The following KMT2C variants were observed in gnomAD, a reference collection of about 807,000 sequenced individuals.
KMT2C encodes histone-lysine N-methyltransferase 2C.
Under a neutral mutation model 507.9 loss-of-function variants are expected in KMT2C, and 88 were observed. The ratio of observed to expected loss-of-function variants is 0.17; its 90% CI spans 0.15 to 0.21. The LOEUF (loss-of-function observed/expected upper bound fraction) is 0.21. Among genes scored for constraint, KMT2C ranks in the 10% least tolerant of loss-of-function variants. KMT2C has a pLI of 1.00. For missense variants in KMT2C, 4,954 were observed against 5,957.8 expected, an observed-to-expected ratio of 0.83 and a Z score of 5.55; for synonymous variants, 2,049 against 2,080.8, an observed-to-expected ratio of 0.98 and a Z score of 0.42.
At chr7:152,167,088 C>T (rs1376101680) in intron 42 of KMT2C, 58 bp downstream of exon 42, 24 of 1,392,038 alleles carry the variant, frequency 1.7e-5, no homozygotes, top group South Asian at 1.2e-4. Context: ...GAACAACACA[C>T]CAAAACATTC....
intron 1 of KMT2C, among the ~76,000 whole-genome samples, chr7:152,404,631 C>CAAAAAAAAAAAAAAAAAAAAAAAAAAAA (rs68171347): frequency 3.0e-5 from 2 of 66,172 alleles, no homozygotes; most frequent in Non-Finnish European, 6.6e-5. Flanking sequence ...ACTCAGGTCT[C>CAAAAAAAAAAAAAAAAAAAAAAAAAAAA]AAAAAAAAAA....
At chr7:152,398,668 G>A (rs1269161492) in intron 1 of KMT2C, among the ~76,000 whole-genome samples, 1 of 151,926 alleles carries the variant, frequency 6.6e-6, no homozygotes, top group East Asian at 1.9e-4. Context: ...CCCAAGTATT[G>A]AGATTATAAG....
rs1018220565 is a variant in KMT2C, at chr7:152,146,093, G to T, written c.14031+506C>A. Among the ~76,000 whole-genome samples the T allele has an allele frequency of 4.0e-5, 6 of 151,324 alleles. No homozygotes were observed. In the South Asian group the frequency reaches 1.3e-3, roughly 32 times the overall value. On this transcript the variant is annotated intron_variant, in intron 53 of 58. Coordinates refer to ENST00000262189, the MANE Select transcript of KMT2C (RefSeq NM_170606.3). The stretch of plus-strand genomic sequence containing the variant: ...AAAACTATTGTGTAGATATGGTTCA[G>T]TTAGACTCACTGACAAACAGGCTTG...
chr7:152,206,226 T>C (rs1301443876), intron 24 of KMT2C, among the ~76,000 whole-genome samples: 1 of 152,074 alleles, frequency 6.6e-6, no homozygotes, highest in African/African-American at 2.4e-5. Context: ...TGTCTAGCAA[T>C]TTACTCCGTG....
rs376168698 is a variant in KMT2C at position 152,229,281 on chromosome 7, T to C, written c.2976+642A>G. Among the ~76,000 whole-genome samples the C allele has an allele frequency of 6.3e-4, 96 of 152,238 alleles. No homozygotes were observed. In the East Asian group the frequency reaches 0.017, roughly 27 times the overall value. On this transcript the variant is annotated intron_variant, in intron 18 of 58. Transcript: ENST00000262189. ...GTGGCCATGACACTTTATTCAAATA[T>C]GTAAGTTTTATTAAGACTGAGTTCT...
At chr7:152,165,776 C>G (rs1425889404) in intron 42 of KMT2C, among the ~76,000 whole-genome samples, 1 of 152,118 alleles carries the variant, frequency 6.6e-6, no homozygotes, top group Non-Finnish European at 1.5e-5. Context: ...GCAGCCTCCA[C>G]CTCCCGGATT....
At chr7:152,324,222 A>G (rs536712657) in intron 3 of KMT2C, among the ~76,000 whole-genome samples, 1 of 151,548 alleles carries the variant, frequency 6.6e-6, no homozygotes, top group South Asian at 2.1e-4. Context: ...AGGGTGACCT[A>G]TATTTTAAAA....
chr7:152,366,561 A>G (rs2097246212), intron 1 of KMT2C, among the ~76,000 whole-genome samples: 1 of 152,202 alleles, frequency 6.6e-6, no homozygotes, highest in African/African-American at 2.4e-5. Flanking sequence ...CAGAGACGGA[A>G]AGTGGAACGG....
intron 1 of KMT2C, among the ~76,000 whole-genome samples, chr7:152,408,159 G>C (rs1190349229): frequency 6.6e-6 from 1 of 152,040 alleles, no homozygotes; most frequent in African/African-American, 2.4e-5. Context: ...GTGGTGACGT[G>C]TGCCTGTAAT....
chr7:152,385,327 T>C (rs1463514897), intron 1 of KMT2C, among the ~76,000 whole-genome samples: 1 of 143,136 alleles, frequency 7.0e-6, no homozygotes, highest in Non-Finnish European at 1.5e-5. Flanking sequence ...AATTGAGACG[T>C]GTTGGCCGGG....
chr7:152,358,714 A>G (rs1418517904), intron 1 of KMT2C, 39 bp from the exon 2 acceptor site: 2 of 1,326,250 alleles, frequency 1.5e-6, no homozygotes, highest in South Asian at 1.3e-5. Flanking sequence ...CATAGAGTTA[A>G]ATGTTAAATT....
At chr7:152,290,619 A>C (rs770204530) in intron 6 of KMT2C, among the ~76,000 whole-genome samples, 7 of 151,810 alleles carry the variant, frequency 4.6e-5, no homozygotes, top group Non-Finnish European at 7.4e-5. Context: ...ATAAATTATA[A>C]TTTTAAAGGG....
At chr7:152,374,189 G>T (rs1275104221) in intron 1 of KMT2C, among the ~76,000 whole-genome samples, 1 of 151,558 alleles carries the variant, frequency 6.6e-6, no homozygotes, top group Admixed American at 6.6e-5. Flanking sequence ...GGTGGCACAT[G>T]CCTGTAGTAC....
chr7:152,385,120 A>G (rs2097412032), intron 1 of KMT2C, among the ~76,000 whole-genome samples: 1 of 152,284 alleles, frequency 6.6e-6, no homozygotes, highest in East Asian at 1.9e-4. Context: ...TCATTTGGAA[A>G]TACAGAAAAT....
intron 9 of KMT2C, among the ~76,000 whole-genome samples, chr7:152,261,982 G>A (rs557132118): frequency 2.0e-5 from 3 of 151,956 alleles, no homozygotes; most frequent in Admixed American, 6.5e-5. Context: ...CCCCCCAGGA[G>A]AGAAAGCCCC....
intron 24 of KMT2C, 127 bp from the exon 25 acceptor site, chr7:152,205,352 A>C (rs1383970268): frequency 3.5e-6 from 2 of 565,458 alleles, no homozygotes; most frequent in Non-Finnish European, 5.7e-6. Context: ...GCTAATCTAA[A>C]TCAATAACCT....
chr7:152,239,078 T>C (rs1444600307), intron 14 of KMT2C: 3 of 326,616 alleles, frequency 9.2e-6, no homozygotes, highest in Non-Finnish European at 1.1e-5. Flanking sequence ...CAATGAAACA[T>C]TAAAAATTAA....
At chr7:152,292,203 T>C (rs2096438271) in intron 6 of KMT2C, among the ~76,000 whole-genome samples, 1 of 152,220 alleles carries the variant, frequency 6.6e-6, no homozygotes, top group South Asian at 2.1e-4. Flanking sequence ...ATAATATACA[T>C]TCCACTATAC....
At position 152,330,657 on chromosome 7, in the gene KMT2C, A is replaced by T; in HGVS notation, c.333T>A (p.Ser111=). 6.2e-7 allele frequency: 1 copy of T among 1,614,140 alleles called. No homozygotes were observed. The highest frequency in any genetic ancestry group is 1.7e-5 in the Admixed American group (1 of 60,030). The change falls in exon 3 of 59, where the codon TCT becomes TCA. Residue 111 remains serine, a synonymous_variant. Transcript: ENST00000262189. ...SKQLIPTLQR[S]VSEESANSLV... Reference sequence around the variant, plus strand: ...GGGAGTTTGCCGATTCCTCAGACACAGATCGCTGAAGAGTTGGAATTAGCT... The same window carrying T: ...GGGAGTTTGCCGATTCCTCAGACACTGATCGCTGAAGAGTTGGAATTAGCT...
Sources: allele counts gnomAD v4.1 joint callset (sites outside exome capture counted in the v4.1 genomes callset), GRCh38; gene constraint gnomAD v4.1.1; transcripts MANE v1.5; gene names NCBI Gene and HGNC (gene_info 2026-07-23, HGNC 2026-07-21).